Variants in CPNE4 observed in about 807,000 individuals in gnomAD.
The protein encoded by CPNE4 is copine 4, also known as copine-4.
A neutral mutation model predicts 67.9 loss-of-function variants in CPNE4; 25 were observed. That is an observed-to-expected ratio of 0.37 (90% CI 0.27 to 0.51). The LOEUF (loss-of-function observed/expected upper bound fraction) is 0.51. CPNE4 is among the 20% of genes least tolerant of loss of function. The probability of loss-of-function intolerance (pLI) is 0.93; values close to 1 mark genes in which losing one functional copy is unlikely to be tolerated. For missense variants in CPNE4, 464 were observed against 690.8 expected, an observed-to-expected ratio of 0.67 and a Z score of 3.68; for synonymous variants, 242 against 244.9, an observed-to-expected ratio of 0.99 and a Z score of 0.11.
chr3:131,570,777 G>C (rs1937298486), intron 10 of CPNE4, among the ~76,000 whole-genome samples: 1 of 152,018 alleles, frequency 6.6e-6, no homozygotes, highest in African/African-American at 2.4e-5. Flanking sequence ...AGAGGCTATA[G>C]ATCATGTATC....
intron 7 of CPNE4, among the ~76,000 whole-genome samples, chr3:131,661,068 C>T (rs1383968547): frequency 1.3e-5 from 2 of 152,134 alleles, no homozygotes; most frequent in South Asian, 2.1e-4. Context: ...AAAGTTTTAC[C>T]TTTGATTGTT....
At chr3:131,541,360 G>A (rs578063914) in intron 15 of CPNE4, among the ~76,000 whole-genome samples, 14 of 152,130 alleles carry the variant, frequency 9.2e-5, no homozygotes, top group Non-Finnish European at 1.3e-4. Context: ...CAAAACCTGG[G>A]AAGGTGGGAA....
rs542781922 is a variant in CPNE4 at position 131,951,876 on chromosome 3, C to A, written c.-1-46432G>T. Among the ~76,000 whole-genome samples the A allele has an allele frequency of 1.6e-4, 24 of 152,194 alleles. No homozygotes were observed. In the South Asian group the frequency reaches 1.9e-3, roughly 12 times the overall value. ...TCGTTCACTCAGTGGTCAATGGTGC[C>A]CAGGCTGGAGTGCAGTGGTGTGATC... On this transcript the variant is annotated intron_variant, in intron 1 of 15. Coordinates refer to ENST00000429747, the MANE Select transcript of CPNE4 (RefSeq NM_130808.3).
At chr3:131,631,890 C>CT (rs2079231292) in intron 7 of CPNE4, among the ~76,000 whole-genome samples, 1 of 137,340 alleles carries the variant, frequency 7.3e-6, no homozygotes, top group African/African-American at 3.2e-5. Context: ...CTCCCCAACA[C>CT]TTTTTTCTTT....
intron 15 of CPNE4, among the ~76,000 whole-genome samples, chr3:131,537,043 T>C (rs1352729751): frequency 1.3e-5 from 2 of 152,122 alleles, no homozygotes; most frequent in Admixed American, 6.6e-5. Flanking sequence ...GTGAAAAGTC[T>C]TCAACAATAC....
At chr3:131,689,844 T>A (rs565745640) in intron 5 of CPNE4, among the ~76,000 whole-genome samples, 2 of 152,330 alleles carry the variant, frequency 1.3e-5, no homozygotes, top group East Asian at 3.9e-4. Context: ...CTCCTAGAAC[T>A]GATCTTCAGC....
chr3:131,978,524 A>T (rs1414518604), intron 1 of CPNE4, among the ~76,000 whole-genome samples: 1 of 80,324 alleles, frequency 1.2e-5, no homozygotes, highest in African/African-American at 6.1e-5. Context: ...TTATTTATAT[A>T]AATATAAATA....
intron 1 of CPNE4, among the ~76,000 whole-genome samples, chr3:131,906,714 C>T (rs1040611821): frequency 5.9e-5 from 9 of 151,698 alleles, no homozygotes; most frequent in Admixed American, 3.9e-4. Context: ...AATAAACATA[C>T]GTGTGCATGT....
chr3:132,016,456 G>C (rs2073891163), intron 1 of CPNE4, among the ~76,000 whole-genome samples: 1 of 152,228 alleles, frequency 6.6e-6, no homozygotes, highest in Non-Finnish European at 1.5e-5. Flanking sequence ...GTCTGAGATA[G>C]ACTAGATGGC....
rs182920079 is a variant in CPNE4 at position 131,966,889 on chromosome 3, C to T, written c.-1-61445G>A. Among the ~76,000 whole-genome samples, 79 of 152,302 alleles carry T rather than the reference C, an allele frequency of 5.2e-4. 1 individual carries two copies. The highest frequency in any genetic ancestry group is 3.4e-3 in the Middle Eastern group (1 of 294). ...CTAACTCATTTTATGAGGCCAGCATCATCCTGATACCAAAATCTGGCAGAG... is the reference window on the plus strand; with the variant it reads ...CTAACTCATTTTATGAGGCCAGCATTATCCTGATACCAAAATCTGGCAGAG... On this transcript the variant is annotated intron_variant, in intron 1 of 15. Transcript: ENST00000429747.
intron 2 of CPNE4, among the ~76,000 whole-genome samples, chr3:131,817,139 A>G (rs1378151798): frequency 6.6e-6 from 1 of 152,188 alleles, no homozygotes; most frequent in East Asian, 1.9e-4. Flanking sequence ...ACTTTGGTTC[A>G]CTACATGTGG....
intron 1 of CPNE4, among the ~76,000 whole-genome samples, chr3:131,906,602 A>G (rs2088776267): frequency 6.6e-6 from 1 of 151,820 alleles, no homozygotes; most frequent in Non-Finnish European, 1.5e-5. Context: ...TTATGGCTGC[A>G]TAGTATTCCA....
At chr3:131,785,780 G>GTGC (rs2083546203) in intron 2 of CPNE4, among the ~76,000 whole-genome samples, 2 of 151,784 alleles carry the variant, frequency 1.3e-5, no homozygotes, top group Non-Finnish European at 2.9e-5. Context: ...GTGAGTCTGG[G>GTGC]TGCTCAGGGT....
chr3:131,812,038 G>C (rs886785790), intron 2 of CPNE4, among the ~76,000 whole-genome samples: 2 of 152,042 alleles, frequency 1.3e-5, no homozygotes, highest in Admixed American at 6.6e-5. Flanking sequence ...GAAATCAATA[G>C]TCCTCACTAG....
At chr3:131,856,955 C>T (rs557264983) in intron 2 of CPNE4, among the ~76,000 whole-genome samples, 6 of 152,026 alleles carry the variant, frequency 3.9e-5, no homozygotes, top group African/African-American at 7.2e-5. Flanking sequence ...TGATTTCATT[C>T]ATTCAGTGGA....
At chr3:132,004,433 G>A (rs1429685520) in intron 1 of CPNE4, among the ~76,000 whole-genome samples, 1 of 152,038 alleles carries the variant, frequency 6.6e-6, no homozygotes. Context: ...GAGAGACAGA[G>A]ACAGAAAGAT....
In CPNE4 at chr3:131,696,528, G is replaced by A. The variant is rs541121086; in HGVS notation, c.507+14C>T. 1 of 1,610,792 alleles carries A rather than the reference G, an allele frequency of 6.2e-7. No individual in the cohort carries two copies. Among genetic ancestry groups the A allele is most frequent in the Admixed American group, 1.7e-5 (1 of 60,010 alleles). On this transcript the variant is annotated intron_variant, in intron 5 of 15. Transcript: ENST00000429747. ...TGTTACTTCCTTCAATAAGGTTAATGCCAAACGCTTTACCTTGTCATCCAA... is the reference window on the plus strand; with the variant it reads ...TGTTACTTCCTTCAATAAGGTTAATACCAAACGCTTTACCTTGTCATCCAA...
chr3:131,785,340 C>T (rs2083530176), intron 2 of CPNE4, among the ~76,000 whole-genome samples: 4 of 152,010 alleles, frequency 2.6e-5, no homozygotes. Context: ...TTGTTTCCAA[C>T]ACCTGCAACT....
intron 2 of CPNE4, among the ~76,000 whole-genome samples, chr3:131,817,459 T>C (rs951633426): frequency 3.9e-5 from 6 of 152,142 alleles, no homozygotes; most frequent in African/African-American, 1.2e-4. Context: ...GGGTGAATAG[T>C]AGGACAGGAG....
Sources: allele counts gnomAD v4.1 joint callset (sites outside exome capture counted in the v4.1 genomes callset), GRCh38; gene constraint gnomAD v4.1.1; transcripts MANE v1.5; gene names NCBI Gene and HGNC (gene_info 2026-07-23, HGNC 2026-07-21).